The following MYT1L variants were observed in gnomAD, a reference collection of about 807,000 sequenced individuals.
MYT1L encodes myelin transcription factor 1 like.
In MYT1L, 12 loss-of-function variants were observed where a neutral mutation model predicts 126.7. The ratio of observed to expected loss-of-function variants is 0.09; its 90% CI spans 0.06 to 0.15. The LOEUF (loss-of-function observed/expected upper bound fraction) is 0.15. Ranked by LOEUF, MYT1L falls within the 10% of genes least tolerant of loss-of-function variation. MYT1L has a pLI of 1.00. For missense variants in MYT1L, 979 were observed against 1,585.2 expected (o/e 0.62, Z 6.49); for synonymous variants, 541 against 604.2 (o/e 0.90, Z 1.53).
intron 10 of MYT1L, among the ~76,000 whole-genome samples, chr2:1,920,139 G>A (rs1190267954): frequency 6.6e-6 from 1 of 152,230 alleles, no homozygotes; most frequent in Non-Finnish European, 1.5e-5. Flanking sequence ...GAACAGCTGG[G>A]TGAGACTGGA....
rs1457740945 is a variant in MYT1L, at chr2:1,848,016, A to G, written c.2774+3625T>C. On this transcript the variant is annotated intron_variant, in intron 19 of 24. Transcript: ENST00000647738. This position sits in a 1 kb window ranked among gnomAD's most constrained non-coding sequence, Gnocchi z 4.8. Reference sequence around the variant, plus strand: ...GAGGTGGGACTCGGAGTCAGACGACATGGGCTCCAGTTGCAGCTCTGCTAC... The same window carrying G: ...GAGGTGGGACTCGGAGTCAGACGACGTGGGCTCCAGTTGCAGCTCTGCTAC... 1.3e-5 allele frequency among the ~76,000 whole-genome samples: 2 copies of G among 152,174 alleles called. No homozygotes were observed. Among genetic ancestry groups the G allele is most frequent in the Non-Finnish European group, 2.9e-5 (2 of 68,018 alleles).
intron 3 of MYT1L, among the ~76,000 whole-genome samples, chr2:2,076,462 T>C (rs754231988): frequency 2.0e-5 from 3 of 152,066 alleles, no homozygotes; most frequent in South Asian, 2.1e-4. Flanking sequence ...CACTAACTTA[T>C]CCTGACCCAG....
intron 2 of MYT1L, among the ~76,000 whole-genome samples, chr2:2,268,698 C>T (rs767598030): frequency 5.3e-4 from 81 of 152,166 alleles, no homozygotes; most frequent in Non-Finnish European, 1.0e-3. Context: ...ACAAGCTGCT[C>T]TCACTGGTGT....
At chr2:2,109,896 T>C (rs2079197717) in intron 3 of MYT1L, among the ~76,000 whole-genome samples, 4 of 112,484 alleles carry the variant, frequency 3.6e-5, no homozygotes, top group African/African-American at 6.0e-5. Context: ...TATATATATA[T>C]ATATATATAT....
intron 2 of MYT1L, among the ~76,000 whole-genome samples, chr2:2,209,763 G>C (rs145958057): frequency 1.4e-3 from 211 of 152,300 alleles, no homozygotes; most frequent in African/African-American, 4.8e-3. Flanking sequence ...ACACGGGAGA[G>C]CAGATATCTC....
intron 18 of MYT1L, among the ~76,000 whole-genome samples, chr2:1,880,684 C>T (rs1241185996): frequency 6.6e-6 from 1 of 152,184 alleles, no homozygotes; most frequent in Non-Finnish European, 1.5e-5. Context: ...CCAGTACTGT[C>T]CCGCTTCACA....
chr2:2,301,853 A>G (rs949768377), intron 1 of MYT1L, among the ~76,000 whole-genome samples: 6 of 151,580 alleles, frequency 4.0e-5, no homozygotes, highest in African/African-American at 1.5e-4. Context: ...AAAGAAGAAA[A>G]TTTACATATG....
intron 21 of MYT1L, among the ~76,000 whole-genome samples, chr2:1,823,897 T>C (rs561357071): frequency 1.8e-4 from 27 of 152,224 alleles, no homozygotes; most frequent in Non-Finnish European, 3.5e-4. Flanking sequence ...GAGCCAAACT[T>C]CAAGAGCTGA....
chr2:1,938,073 T>C (rs1002610624), intron 9 of MYT1L, among the ~76,000 whole-genome samples: 6 of 152,218 alleles, frequency 3.9e-5, no homozygotes, highest in Non-Finnish European at 5.9e-5. Flanking sequence ...GCAACATCTA[T>C]GTGCTAAAGG....
At chr2:1,980,793 G>A (rs552227525) in intron 5 of MYT1L, among the ~76,000 whole-genome samples, 3 of 152,204 alleles carry the variant, frequency 2.0e-5, no homozygotes, top group African/African-American at 7.2e-5. Context: ...AAATATATAC[G>A]AGTATGTTTG....
At chr2:2,208,631 C>T (rs1168272577) in intron 2 of MYT1L, among the ~76,000 whole-genome samples, 1 of 152,078 alleles carries the variant, frequency 6.6e-6, no homozygotes, top group Non-Finnish European at 1.5e-5. Context: ...TTATAAATAA[C>T]CTTTTTTCTT....
At chr2:2,021,648 T>G (rs2065038622) in intron 4 of MYT1L, among the ~76,000 whole-genome samples, 2 of 152,158 alleles carry the variant, frequency 1.3e-5, no homozygotes, top group Admixed American at 6.5e-5. Flanking sequence ...CTAAAATCCC[T>G]GCACTTTGCG....
At chr2:1,821,874 G>A (rs1035929032) in intron 21 of MYT1L, among the ~76,000 whole-genome samples, 3 of 152,230 alleles carry the variant, frequency 2.0e-5, no homozygotes, top group African/African-American at 7.2e-5. Context: ...GGCTCATCCT[G>A]TTTCCAGCTC....
At chr2:1,989,978 C>T (rs1414835405) in intron 5 of MYT1L, among the ~76,000 whole-genome samples, 3 of 152,146 alleles carry the variant, frequency 2.0e-5, no homozygotes, top group Non-Finnish European at 4.4e-5. Context: ...GCCTGGGCAG[C>T]AAGAGTGAAA....
chr2:2,181,147 C>T (rs564293958), intron 2 of MYT1L, among the ~76,000 whole-genome samples: 6 of 149,972 alleles, frequency 4.0e-5, no homozygotes, highest in African/African-American at 1.5e-4. Flanking sequence ...TGTGTCTGTG[C>T]CTGAGTATGT....
At chr2:2,132,790 T>C (rs926396584) in intron 3 of MYT1L, among the ~76,000 whole-genome samples, 8 of 152,058 alleles carry the variant, frequency 5.3e-5, no homozygotes, top group Non-Finnish European at 8.8e-5. Flanking sequence ...CTATGTGATA[T>C]GAATAGACTA....
chr2:2,197,802 T>C lies in MYT1L; in HGVS notation c.-420-24814A>G, dbSNP rs190956114. The stretch of plus-strand genomic sequence containing the variant: ...GAGATGTATATAACATATACACACA[T>C]ATATACACACATGCACACACACACG... On this transcript the variant is annotated intron_variant, in intron 2 of 24. Coordinates refer to ENST00000647738, the MANE Select transcript of MYT1L (RefSeq NM_001303052.2). Among the ~76,000 whole-genome samples the C allele has an allele frequency of 3.4e-4, 51 of 151,094 alleles. 1 individual carries two copies. Among genetic ancestry groups the C allele is most frequent in the Admixed American group, 3.3e-3 (50 of 15,192 alleles).
chr2:2,092,575 T>C (rs183482698), intron 3 of MYT1L, among the ~76,000 whole-genome samples: 113 of 152,304 alleles, frequency 7.4e-4, no homozygotes, highest in Non-Finnish European at 1.4e-3. Context: ...CGCAGGGTTG[T>C]CACAAACCTG....
At chr2:2,005,972 AGG>A (rs2063275500) in intron 4 of MYT1L, among the ~76,000 whole-genome samples, 10 of 145,752 alleles carry the variant, frequency 6.9e-5, no homozygotes, top group Non-Finnish European at 3.0e-5. Flanking sequence ...TCTTTCCTGC[AGG>A]TGTTCTTTCC....
Sources: gnomAD v4.1 joint callset for allele counts (sites outside exome capture counted in the v4.1 genomes callset) on GRCh38, gnomAD v4.1.1 for gene constraint, Gnocchi (gnomAD v3.1) non-coding constraint, MANE v1.5 for transcripts, NCBI Gene and HGNC (gene_info 2026-07-23, HGNC 2026-07-21) for gene names.